The following TENT4B variants were observed in gnomAD, a reference collection of about 807,000 sequenced individuals.
The protein encoded by TENT4B is PAP associated domain containing 5.
Under a neutral mutation model 75.0 loss-of-function variants are expected in TENT4B, and 10 were observed. The ratio of observed to expected loss-of-function variants is 0.13; its 90% CI spans 0.08 to 0.23. The LOEUF (loss-of-function observed/expected upper bound fraction) is 0.23. Ranked by LOEUF, TENT4B falls within the 10% of genes least tolerant of loss-of-function variation. The pLI is 1.00. For synonymous variants in TENT4B, 350 were observed against 357.7 expected, an observed-to-expected ratio of 0.98 and a Z score of 0.24; for missense variants, 579 against 893.8, an observed-to-expected ratio of 0.65 and a Z score of 4.49.
Position 50,230,093 on chromosome 16 carries a change from G to A in TENT4B, c.*765G>A. 1 of 984,128 alleles carries A rather than the reference G, an allele frequency of 1.0e-6. No homozygotes were observed. Among genetic ancestry groups the A allele is most frequent in the Non-Finnish European group, 1.2e-6 (1 of 829,332 alleles). The allele number at this position is 984,128 out of a possible 1,614,324, so 61.0% of individuals were successfully genotyped here. The stretch of plus-strand genomic sequence containing the variant: ...TTCCTCTCTAAAGAAAAGGTTTATG[G>A]TGGCAAATGATGTTTATTTTATTTT... On this transcript the variant is annotated 3_prime_UTR_variant, in exon 12 of 12. Transcript: ENST00000561678.
intron 1 of TENT4B, among the ~76,000 whole-genome samples, chr16:50,205,736 G>A (rs1318867038): frequency 2.0e-5 from 3 of 151,444 alleles, no homozygotes; most frequent in Non-Finnish European, 2.9e-5. Flanking sequence ...AATTACAGGC[G>A]CCTGCCACCA....
intron 1 of TENT4B, among the ~76,000 whole-genome samples, chr16:50,162,763 A>G (rs2150670718): frequency 6.6e-6 from 1 of 152,322 alleles, no homozygotes; most frequent in East Asian, 1.9e-4. Flanking sequence ...GAAACTAGTT[A>G]CTAGCATGAA....
At chr16:50,155,546 T>C (rs2037881611) in intron 1 of TENT4B, among the ~76,000 whole-genome samples, 1 of 152,094 alleles carries the variant, frequency 6.6e-6, no homozygotes, top group Admixed American at 6.6e-5. Context: ...AGTGGGCTGG[T>C]GTCTGCTCTA....
At chr16:50,200,768 C>T (rs965193238) in intron 1 of TENT4B, among the ~76,000 whole-genome samples, 3 of 151,748 alleles carry the variant, frequency 2.0e-5, no homozygotes, top group African/African-American at 7.3e-5. Flanking sequence ...TTTTGAATAC[C>T]TGCCTTTTGC....
intron 1 of TENT4B, among the ~76,000 whole-genome samples, chr16:50,186,559 T>C (rs2038531438): frequency 6.6e-6 from 1 of 152,216 alleles, no homozygotes; most frequent in Non-Finnish European, 1.5e-5. Flanking sequence ...TAACCAAATA[T>C]TTGTTTGAAT....
chr16:50,234,219 C>T lies in TENT4B; in HGVS notation c.*4891C>T, dbSNP rs1240853862. 20 of 985,404 alleles carry T rather than the reference C, an allele frequency of 2.0e-5. No homozygotes were observed. Among genetic ancestry groups the T allele is most frequent in the East Asian group, 2.3e-4 (2 of 8,824 alleles). The allele number at this position is 985,404 out of a possible 1,614,324, so 61.0% of individuals were successfully genotyped here. ...CTGTAATCCCAGCACTTTGGGAGGC[C>T]GAAGCGGGAGGATGGCTTGAGGCTG... is the stretch of plus-strand genomic sequence containing the variant. On this transcript the variant is annotated 3_prime_UTR_variant, in exon 12 of 12. Coordinates refer to ENST00000561678, the MANE Select transcript of TENT4B (RefSeq NM_001365324.3).
In TENT4B at chr16:50,233,152, A is replaced by G. The variant is rs2032345743; in HGVS notation, c.*3824A>G. ...TATTTAGTAGTTACTGTTGATAGTA[A>G]TTTTCATCAGGGTCATAGTTCATCT... is the stretch of plus-strand genomic sequence containing the variant. On this transcript the variant is annotated 3_prime_UTR_variant, in exon 12 of 12. Coordinates refer to ENST00000561678, the MANE Select transcript of TENT4B (RefSeq NM_001365324.3). The G allele has an allele frequency of 1.0e-6, 1 of 984,160 alleles. No homozygotes were observed. Among genetic ancestry groups the G allele is most frequent in the Non-Finnish European group, 1.2e-6 (1 of 828,778 alleles). 61.0% of individuals were successfully genotyped at this position (984,160 alleles called of 1,614,324 possible).
chr16:50,235,125 T>C lies in TENT4B; in HGVS notation c.*5797T>C. 1 of 746,674 alleles carries C rather than the reference T, an allele frequency of 1.3e-6. No homozygotes were observed. Among genetic ancestry groups the C allele is most frequent in the Non-Finnish European group, 1.6e-6 (1 of 611,604 alleles). The allele number at this position is 746,674 out of a possible 1,614,324, so 46.3% of individuals were successfully genotyped here. ...ACTGGGCAACCAGTGATGAAAACTA[T>C]GAATGAATTGCACACCTGGAAGATT... is the stretch of plus-strand genomic sequence containing the variant. On this transcript the variant is annotated 3_prime_UTR_variant, in exon 12 of 12. Transcript: ENST00000561678.
chr16:50,214,552 A>G (rs1246574646), intron 3 of TENT4B, among the ~76,000 whole-genome samples: 1 of 152,164 alleles, frequency 6.6e-6, no homozygotes, highest in African/African-American at 2.4e-5. Flanking sequence ...GCTACTCAGG[A>G]GGCTGAGGCA....
intron 5 of TENT4B, among the ~76,000 whole-genome samples, chr16:50,222,018 G>A (rs1403043051): frequency 6.6e-6 from 1 of 152,070 alleles, no homozygotes; most frequent in Non-Finnish European, 1.5e-5. Context: ...GCCCGCCTTG[G>A]TCTCCCAAAG....
intron 5 of TENT4B, among the ~76,000 whole-genome samples, chr16:50,220,947 C>T (rs2031799150): frequency 6.6e-6 from 1 of 151,816 alleles, no homozygotes; most frequent in Non-Finnish European, 1.5e-5. Flanking sequence ...CATGCGTGTT[C>T]ATTGTAGGAC....
chr16:50,232,621 A>G lies in TENT4B; in HGVS notation c.*3293A>G. 1.0e-6 allele frequency: 1 copy of G among 985,236 alleles called. No homozygotes were observed. The highest frequency in any genetic ancestry group is 1.7e-5 in the African/African-American group (1 of 57,296). 61.0% of individuals were successfully genotyped at this position (985,236 alleles called of 1,614,324 possible). A position where few individuals can be genotyped will look rare whatever the true frequency, so the allele number is the denominator to read the frequency against. On this transcript the variant is annotated 3_prime_UTR_variant, in exon 12 of 12. Transcript: ENST00000561678. Reference sequence around the variant, plus strand: ...TGGAAACACTAGAGGGTCAGAAAAGAGTAATGACCACCGTGACGTGCAGGA... The same window carrying G: ...TGGAAACACTAGAGGGTCAGAAAAGGGTAATGACCACCGTGACGTGCAGGA...
intron 1 of TENT4B, among the ~76,000 whole-genome samples, chr16:50,182,973 C>A (rs376523418): frequency 2.3e-5 from 3 of 132,484 alleles, no homozygotes; most frequent in East Asian, 2.3e-4. Flanking sequence ...TCTGCCTCAG[C>A]CTCCGGAGTA....
At position 50,234,637 on chromosome 16, in the gene TENT4B, T is replaced by G. The variant is rs569008087; in HGVS notation, c.*5309T>G. 1.0e-6 allele frequency: 1 copy of G among 985,386 alleles called. No individual in the cohort carries two copies. The highest frequency in any genetic ancestry group is 6.1e-5 in the Admixed American group (1 of 16,290). The allele number at this position is 985,386 out of a possible 1,614,324, so 61.0% of individuals were successfully genotyped here. Reference sequence around the variant, plus strand: ...CATATTGAAACTTACAGAAGTCACTTTAAAAAAGTCTTTTGAAAGTCCTAC... The same window carrying G: ...CATATTGAAACTTACAGAAGTCACTGTAAAAAAGTCTTTTGAAAGTCCTAC... On this transcript the variant is annotated 3_prime_UTR_variant, in exon 12 of 12. Coordinates refer to ENST00000561678, the MANE Select transcript of TENT4B (RefSeq NM_001365324.3).
chr16:50,219,477 T>C (rs77065572), intron 5 of TENT4B, among the ~76,000 whole-genome samples: 2,387 of 152,286 alleles, frequency 0.016, 72 homozygotes, highest in African/African-American at 0.055. Context: ...TCTTCAGTAT[T>C]GTTCCAGTTT....
In TENT4B at chr16:50,229,291, A is replaced by T. The variant is rs1421498806; in HGVS notation, c.2105A>T (p.His702Leu). ...NQYYHGKKRK[H>L]KRDAPLSDLC... is the part of the protein sequence containing the mutation. ...TATTACCATGGCAAAAAGAGGAAAC[A>T]CAAGAGGGACGCGCCCCTCTCAGAC... is the stretch of plus-strand genomic sequence containing the variant. Residue 702 changes from histidine to leucine, a missense_variant, in exon 12 of 12, where the codon CAC (histidine) becomes CTC (leucine). By Grantham distance (99) the His-to-Leu change is moderately conservative. Coordinates refer to ENST00000561678, the MANE Select transcript of TENT4B (RefSeq NM_001365324.3). 6.2e-7 allele frequency: 1 copy of T among 1,613,976 alleles called. No homozygotes were observed. Among genetic ancestry groups the T allele is most frequent in the Admixed American group, 1.7e-5 (1 of 60,010 alleles).
chr16:50,196,021 A>G (rs2030214354), intron 1 of TENT4B, among the ~76,000 whole-genome samples: 1 of 152,240 alleles, frequency 6.6e-6, no homozygotes, highest in Non-Finnish European at 1.5e-5. Context: ...TAGTCAATGT[A>G]GAACTTTACA....
At chr16:50,224,548 A>G in intron 7 of TENT4B, 109 bp from the exon 8 acceptor site, 8 of 1,397,386 alleles carry the variant, frequency 5.7e-6, no homozygotes, top group Non-Finnish European at 7.8e-6. Context: ...TTCCAGGCAC[A>G]ACTCTGGTGG....
At chr16:50,185,874 T>G (rs2038516081) in intron 1 of TENT4B, among the ~76,000 whole-genome samples, 1 of 152,192 alleles carries the variant, frequency 6.6e-6, no homozygotes, top group African/African-American at 2.4e-5. Context: ...CGTACTTTTA[T>G]GCTCTCATCT....
Sources: gnomAD v4.1 joint callset for allele counts (sites outside exome capture counted in the v4.1 genomes callset) on GRCh38, gnomAD v4.1.1 for gene constraint, MANE v1.5 for transcripts, NCBI Gene and HGNC (gene_info 2026-07-23, HGNC 2026-07-21) for gene names.